The following LUC7L3 variants were observed in gnomAD, a reference collection of about 807,000 sequenced individuals.
LUC7L3 encodes luc7-like protein 3.
Under a neutral mutation model 66.8 loss-of-function variants are expected in LUC7L3, and 6 were observed. The observed-to-expected ratio is 0.09, with a 90% confidence interval of 0.05 to 0.18. LUC7L3 has a LOEUF of 0.18. Ranked by LOEUF, LUC7L3 falls within the 10% of genes least tolerant of loss-of-function variation. The probability of loss-of-function intolerance (pLI) is 1.00; values close to 1 mark genes in which losing one functional copy is unlikely to be tolerated. For missense variants in LUC7L3, 341 were observed against 531.1 expected (o/e 0.64, Z 3.52); for synonymous variants, 160 against 174.7 (o/e 0.92, Z 0.66).
At position 50,740,399 on chromosome 17, in the gene LUC7L3, G is replaced by A. The variant is rs1426938072; in HGVS notation, c.206+54G>A. 8 of 1,506,374 alleles carry A rather than the reference G, an allele frequency of 5.3e-6. No homozygotes were observed. The East Asian group carries it at 1.8e-4, about 34-fold the overall frequency. The allele number at this position is 1,506,374 out of a possible 1,614,324, so 93.3% of individuals were successfully genotyped here. A position where few individuals can be genotyped will look rare whatever the true frequency, so the allele number is the denominator to read the frequency against. On this transcript the variant is annotated intron_variant, in intron 3 of 9. Transcript: ENST00000505658. ...CCCCCAGTTATTAGTTGGTTTAAGT[G>A]GGACAAGGGTTGAGGAATAATTGCA...
intron 1 of LUC7L3, among the ~76,000 whole-genome samples, chr17:50,721,472 T>C (rs1235085375): frequency 2.0e-5 from 3 of 152,216 alleles, no homozygotes; most frequent in Non-Finnish European, 4.4e-5. Flanking sequence ...GCTTTCAGTT[T>C]TAGTACTTTT....
In LUC7L3 at chr17:50,751,260, T is replaced by C; in HGVS notation, c.*599T>C. The C allele has an allele frequency of 7.4e-7, 1 of 1,356,556 alleles. No homozygotes were observed. Among genetic ancestry groups the C allele is most frequent in the Non-Finnish European group, 9.7e-7 (1 of 1,033,170 alleles). 84.0% of individuals were successfully genotyped at this position (1,356,556 alleles called of 1,614,324 possible). On this transcript the variant is annotated 3_prime_UTR_variant, in exon 10 of 10. Transcript: ENST00000505658. ...ATTGGATTGATGGAAGTGTAGGGTT[T>C]ATGAATTATTGCAGCTGACTACCAT...
intron 6 of LUC7L3, among the ~76,000 whole-genome samples, chr17:50,744,366 A>G (rs1374233594): frequency 6.6e-6 from 1 of 152,226 alleles, no homozygotes; most frequent in Non-Finnish European, 1.5e-5. Flanking sequence ...TTCATACTAA[A>G]ATAGGTGGCT....
intron 1 of LUC7L3, among the ~76,000 whole-genome samples, chr17:50,735,683 A>C (rs921449412): frequency 3.6e-4 from 55 of 151,944 alleles, no homozygotes; most frequent in South Asian, 6.3e-4. Context: ...TTTTTTATAG[A>C]CATGGGGTTT....
intron 7 of LUC7L3, 26 bp from the exon 8 acceptor site, chr17:50,745,694 A>G (rs779876762): frequency 1.9e-6 from 3 of 1,557,980 alleles, no homozygotes; most frequent in Non-Finnish European, 2.6e-6. Flanking sequence ...TTACATTTGC[A>G]TAAGAATCCA....
At chr17:50,742,771 G>C (rs753949512) in intron 5 of LUC7L3, among the ~76,000 whole-genome samples, 1 of 152,266 alleles carries the variant, frequency 6.6e-6, no homozygotes, top group South Asian at 2.1e-4. Context: ...CAGTGTTCAT[G>C]AGTGCTATAT....
chr17:50,724,381 C>G (rs1029384846), intron 1 of LUC7L3, among the ~76,000 whole-genome samples: 1 of 151,850 alleles, frequency 6.6e-6, no homozygotes, highest in South Asian at 2.1e-4. Context: ...ATTAGCTGGG[C>G]GTAGTGGTGC....
At chr17:50,730,513 C>CAAAAAAAAAA (rs3063109) in intron 1 of LUC7L3, among the ~76,000 whole-genome samples, 15 of 59,088 alleles carry the variant, frequency 2.5e-4, no homozygotes, top group African/African-American at 6.8e-4. Flanking sequence ...ACTCTGTCTC[C>CAAAAAAAAAA]AAAAAAAAAA....
In LUC7L3 at chr17:50,719,790, C is replaced by T; in HGVS notation, c.58C>T (p.Pro20Ser). The change falls in exon 1 of 10, where the codon CCG (proline) becomes TCG (serine). Residue 20 changes from proline (P) to serine (S), a missense_variant. Coordinates refer to ENST00000505658, the MANE Select transcript of LUC7L3 (RefSeq NM_016424.5). ...AATGGGCCGGGACCGAAACCTAGCC[C>T]CGGACGAGAAGCGCAGCAACGTGCG... Reference protein sequence around the residue: ...ELMGRDRNLAPDEKRSNVRWD... With the variant: ...ELMGRDRNLASDEKRSNVRWD... 2 of 1,612,568 alleles carry T rather than the reference C, an allele frequency of 1.2e-6. No homozygotes were observed. The highest frequency in any genetic ancestry group is 1.7e-6 in the Non-Finnish European group (2 of 1,179,390).
rs966771501 is a variant in LUC7L3 at position 50,751,241 on chromosome 17, T to C, written c.*580T>C. The C allele has an allele frequency of 2.2e-6, 3 of 1,386,626 alleles. No individual in the cohort carries two copies. The highest frequency in any genetic ancestry group is 2.8e-6 in the Non-Finnish European group (3 of 1,052,634). 85.9% of individuals were successfully genotyped at this position (1,386,626 alleles called of 1,614,324 possible). A position where few individuals can be genotyped will look rare whatever the true frequency, so the allele number is the denominator to read the frequency against. ...TAACTCGAGAGCCAGTAGCATTGGA[T>C]TGATGGAAGTGTAGGGTTTATGAAT... On this transcript the variant is annotated 3_prime_UTR_variant, in exon 10 of 10. Coordinates refer to ENST00000505658, the MANE Select transcript of LUC7L3 (RefSeq NM_016424.5).
chr17:50,733,818 T>C (rs950215231), intron 1 of LUC7L3, among the ~76,000 whole-genome samples: 3 of 152,228 alleles, frequency 2.0e-5, no homozygotes, highest in Admixed American at 1.3e-4. Context: ...TTACTAAATA[T>C]AGTTGTGTGA....
intron 1 of LUC7L3, among the ~76,000 whole-genome samples, chr17:50,734,577 C>T (rs575484155): frequency 6.6e-6 from 1 of 152,318 alleles, no homozygotes; most frequent in Non-Finnish European, 1.5e-5. Flanking sequence ...GCCTCAAACT[C>T]CTGGGCTCAA....
At chr17:50,736,768 A>G in intron 1 of LUC7L3, 192 bp from the exon 2 acceptor site, 1 of 549,416 alleles carries the variant, frequency 1.8e-6, no homozygotes, top group Non-Finnish European at 3.2e-6. Flanking sequence ...CGAGTACTGC[A>G]GATTTATTCT....
chr17:50,732,643 A>G (rs1285382846), intron 1 of LUC7L3, among the ~76,000 whole-genome samples: 1 of 151,944 alleles, frequency 6.6e-6, no homozygotes, highest in Non-Finnish European at 1.5e-5. Context: ...TGGCCTCCCA[A>G]AATGCTGGGA....
Position 50,744,662 on chromosome 17 carries a change from G to A in LUC7L3, c.542G>A (p.Ser181Asn). The change falls in exon 7 of 10, where the codon AGC becomes AAC. Residue 181 changes from serine to asparagine, a missense_variant. This residue lies in a region of LUC7L3 where 86 missense variants were observed against 172.0 expected (regional missense o/e 0.50). Transcript: ENST00000505658. ...LLRSTTSTIE[S>N]FAAQEKQMEV... ...GATTTATCATTTTAGACAATTGAAA[G>A]CTTTGCTGCACAAGAAAAACAAATG... 1 of 1,611,206 alleles carries A rather than the reference G, an allele frequency of 6.2e-7. No homozygotes were observed. The highest frequency in any genetic ancestry group is 8.5e-7 in the Non-Finnish European group (1 of 1,179,242).
chr17:50,744,586 G>A, intron 6 of LUC7L3, 66 bp from the exon 7 acceptor site: 1 of 1,423,518 alleles, frequency 7.0e-7, no homozygotes, highest in Non-Finnish European at 9.6e-7. Flanking sequence ...TCTAAATGTT[G>A]AGTACTTTCC....
At chr17:50,726,560 A>C (rs901881231) in intron 1 of LUC7L3, among the ~76,000 whole-genome samples, 1 of 152,172 alleles carries the variant, frequency 6.6e-6, no homozygotes, top group South Asian at 2.1e-4. Flanking sequence ...AGAAGCAGAA[A>C]AGTCATGACA....
rs574949919 is a variant in LUC7L3, at chr17:50,739,514, CATG to C, written c.167-791_167-789del. 4.0e-3 allele frequency among the ~76,000 whole-genome samples: 612 copies of C among 152,244 alleles called. 17 individuals carry two copies. Among genetic ancestry groups the C allele is most frequent in the Admixed American group, 0.034 (526 of 15,282 alleles). ...TAAAAATACAAAAAAATTACGCAGG[CATG>C]GTGGTGGGTGCCTGTAATCCTAGCT... On this transcript the variant is annotated intron_variant, in intron 2 of 9. Transcript: ENST00000505658.
intron 1 of LUC7L3, among the ~76,000 whole-genome samples, chr17:50,727,014 G>A (rs541228016): frequency 5.3e-5 from 8 of 152,114 alleles, no homozygotes; most frequent in African/African-American, 1.4e-4. Flanking sequence ...TCTTGAACCC[G>A]GGAGGCGGAG....
Sources: gnomAD v4.1 joint callset for allele counts (sites outside exome capture counted in the v4.1 genomes callset) on GRCh38, gnomAD v4.1.1 for gene constraint, gnomAD v4.1.1 regional missense constraint, MANE v1.5 for transcripts, NCBI Gene and HGNC (gene_info 2026-07-23, HGNC 2026-07-21) for gene names.